Variants in MTREX observed in about 807,000 individuals in gnomAD.
MTREX encodes exosome RNA helicase MTR4.
In MTREX, 76 loss-of-function variants were observed where a neutral mutation model predicts 135.4. That is an observed-to-expected ratio of 0.56 (90% CI 0.47 to 0.68). The LOEUF (loss-of-function observed/expected upper bound fraction) is 0.68, where lower values mean the gene tolerates loss of function less well. Among genes scored for constraint, MTREX ranks in the 30% least tolerant of loss-of-function variants. MTREX has a pLI of 0.00. For synonymous variants in MTREX, 404 were observed against 401.6 expected (o/e 1.01, Z -0.07); for missense variants, 920 against 1,262.1 (o/e 0.73, Z 4.11).
intron 12 of MTREX, 118 bp downstream of exon 12, chr5:55,349,770 G>T (rs979410172): frequency 1.6e-6 from 1 of 609,058 alleles, no homozygotes; most frequent in African/African-American, 1.9e-5. Context: ...CATATGGGTT[G>T]TGATATGCCC....
Position 55,400,316 on chromosome 5 carries a change from A to T in MTREX, c.2376A>T (p.Lys792Asn). ...DMGIQDQGLK[K>N]VIQKVEAFEH... ...GCATTCAAGATCAAGGGCTGAAAAA[A>T]GTCATTCAGAAAGTAGAAGCTTTTG... is the stretch of plus-strand genomic sequence containing the variant. The change falls in exon 21 of 27, where the codon AAA becomes AAT. Residue 792 changes from lysine (K) to asparagine (N), a missense_variant. Lys to Asn is a moderately conservative substitution (Grantham distance 94). Coordinates refer to ENST00000230640, the MANE Select transcript of MTREX (RefSeq NM_015360.5). 1 of 1,613,600 alleles carries T rather than the reference A, an allele frequency of 6.2e-7. No homozygotes were observed. The highest frequency in any genetic ancestry group is 1.3e-5 in the African/African-American group (1 of 74,998).
At chr5:55,324,259 T>A in intron 3 of MTREX, 61 bp downstream of exon 3, 1 of 1,182,672 alleles carries the variant, frequency 8.5e-7, no homozygotes. Context: ...TTGGACTATC[T>A]AGTATGATGA....
Position 55,425,328 on chromosome 5 carries a change from A to G in MTREX, c.*556A>G, listed in dbSNP as rs1429342726. Reference sequence around the variant, plus strand: ...CTTTCTTTGAAGAAATCCGATACATATACAGCCTACAGTGCAAAATATTTA... The same window carrying G: ...CTTTCTTTGAAGAAATCCGATACATGTACAGCCTACAGTGCAAAATATTTA... On this transcript the variant is annotated 3_prime_UTR_variant, in exon 27 of 27. Transcript: ENST00000230640. The G allele has an allele frequency of 1.9e-6, 3 of 1,601,340 alleles. No individual in the cohort carries two copies. In the East Asian group the frequency reaches 6.7e-5, roughly 36 times the overall value.
intron 18 of MTREX, among the ~76,000 whole-genome samples, chr5:55,380,529 T>C (rs1750379552): frequency 6.6e-6 from 1 of 152,164 alleles, no homozygotes; most frequent in South Asian, 2.1e-4. Context: ...GAGGTGATCA[T>C]GTGATTTTTG....
intron 25 of MTREX, among the ~76,000 whole-genome samples, chr5:55,421,465 T>G (rs1393667359): frequency 6.6e-6 from 1 of 152,234 alleles, no homozygotes; most frequent in East Asian, 1.9e-4. Flanking sequence ...AACTAAAGTT[T>G]CCAGAAATTG....
chr5:55,347,190 C>T (rs376010366), intron 11 of MTREX, 46 bp downstream of exon 11: 5 of 1,511,598 alleles, frequency 3.3e-6, no homozygotes, highest in African/African-American at 2.9e-5. Flanking sequence ...TGAAAATGAG[C>T]GTAAAATATA....
At chr5:55,362,626 G>A (rs772466172) in intron 15 of MTREX, among the ~76,000 whole-genome samples, 1 of 152,138 alleles carries the variant, frequency 6.6e-6, no homozygotes, top group African/African-American at 2.4e-5. Context: ...CTCCCAAAGT[G>A]CTAGTATTTC....
intron 5 of MTREX, among the ~76,000 whole-genome samples, chr5:55,335,863 C>T (rs1017685409): frequency 2.3e-4 from 35 of 152,062 alleles, no homozygotes; most frequent in African/African-American, 8.0e-4. Context: ...GTCATTGTAA[C>T]AATATTGACT....
intron 1 of MTREX, among the ~76,000 whole-genome samples, chr5:55,317,074 G>T (rs912931676): frequency 6.6e-6 from 1 of 152,008 alleles, no homozygotes; most frequent in Admixed American, 6.6e-5. Context: ...TAGAAATACA[G>T]CTAACCAGGG....
At position 55,324,118 on chromosome 5, in the gene MTREX, C is replaced by T. The variant is rs1749330982; in HGVS notation, c.273-14C>T. 6.3e-7 allele frequency: 1 copy of T among 1,596,502 alleles called. No homozygotes were observed. The highest frequency in any genetic ancestry group is 1.3e-5 in the African/African-American group (1 of 74,078). On this transcript the variant is annotated splice_polypyrimidine_tract_variant and intron_variant, in intron 2 of 26. Transcript: ENST00000230640. ...TAATTTGTTTTTGTGTAACTTTAAA[C>T]AATTCTTTTTAAGTTTGGCAGACCT... is the stretch of plus-strand genomic sequence containing the variant.
Position 55,421,336 on chromosome 5 carries a change from G to C in MTREX, c.2972-1542G>C, listed in dbSNP as rs191410886. 1.8e-3 allele frequency among the ~76,000 whole-genome samples: 281 copies of C among 152,340 alleles called. 1 individual carries two copies. Among genetic ancestry groups the C allele is most frequent in the South Asian group, 8.3e-3 (40 of 4,828 alleles). ...TGTTTCAGGCAGCTCTGGACAGTTAGTGTTTGTGCACATACCCAGTGATTT... is the reference window on the plus strand; with the variant it reads ...TGTTTCAGGCAGCTCTGGACAGTTACTGTTTGTGCACATACCCAGTGATTT... On this transcript the variant is annotated intron_variant, in intron 25 of 26. Coordinates refer to ENST00000230640, the MANE Select transcript of MTREX (RefSeq NM_015360.5).
At chr5:55,353,035 A>G in intron 13 of MTREX, 133 bp from the exon 14 acceptor site, 1 of 495,690 alleles carries the variant, frequency 2.0e-6, no homozygotes, top group Non-Finnish European at 3.4e-6. Flanking sequence ...AGGTTTGAGA[A>G]CATATTGTTT....
intron 16 of MTREX, among the ~76,000 whole-genome samples, chr5:55,374,200 T>C: frequency 6.6e-6 from 1 of 151,244 alleles, no homozygotes; most frequent in East Asian, 2.0e-4. Context: ...GAGGTTGCAG[T>C]GAGCCAAGAT....
chr5:55,309,504 T>G (rs1013155188), intron 1 of MTREX, among the ~76,000 whole-genome samples: 13 of 151,964 alleles, frequency 8.6e-5, no homozygotes, highest in Admixed American at 5.9e-4. Context: ...ACGAACATGT[T>G]AAGGAAAAAA....
Position 55,308,043 on chromosome 5 carries a change from C to T in MTREX, c.30C>T (p.Phe10=), listed in dbSNP as rs200016597. MADAFGDEL[F]SVFEGDSTTA... is the part of the protein sequence containing the mutation. ...CGGACGCATTCGGAGATGAGCTGTT[C>T]AGCGTGTTCGAGGGCGACTCGACCA... is the stretch of plus-strand genomic sequence containing the variant. The change falls in exon 1 of 27, where the codon TTC becomes TTT. Residue 10 remains phenylalanine (F), a synonymous_variant. Transcript: ENST00000230640. The T allele has an allele frequency of 2.0e-5, 33 of 1,614,104 alleles. No homozygotes were observed. The Admixed American group carries it at 2.7e-4, about 13-fold the overall frequency.
intron 17 of MTREX, among the ~76,000 whole-genome samples, chr5:55,378,805 A>G (rs1426322779): frequency 6.6e-6 from 1 of 152,192 alleles, no homozygotes; most frequent in Admixed American, 6.5e-5. Flanking sequence ...TATGAAAAAT[A>G]AGGCAATTTT....
chr5:55,410,439 A>G (rs1030104148), intron 22 of MTREX, 85 bp from the exon 23 acceptor site: 1 of 617,292 alleles, frequency 1.6e-6, no homozygotes. Context: ...AATATATTTT[A>G]TTAAAAACTA....
chr5:55,379,611 C>CAT (rs70992782), intron 18 of MTREX, among the ~76,000 whole-genome samples: 1 of 150,386 alleles, frequency 6.6e-6, no homozygotes. Flanking sequence ...CACACACACA[C>CAT]TCAGAGAGAC....
chr5:55,376,017 G>A (rs762354340), intron 16 of MTREX, among the ~76,000 whole-genome samples: 18 of 152,104 alleles, frequency 1.2e-4, no homozygotes, highest in Admixed American at 2.0e-4. Flanking sequence ...AAAACAAGCC[G>A]ATTAAACAGA....
Sources: allele counts gnomAD v4.1 joint callset (sites outside exome capture counted in the v4.1 genomes callset), GRCh38; gene constraint gnomAD v4.1.1; transcripts MANE v1.5; gene names NCBI Gene and HGNC (gene_info 2026-07-23, HGNC 2026-07-21).